The following CYP4Z1 variants were observed in gnomAD, a reference collection of about 807,000 sequenced individuals.
The protein encoded by CYP4Z1 is cytochrome P450 family 4 subfamily Z member 1, also known as cytochrome P450 4Z1.
A neutral mutation model predicts 54.2 loss-of-function variants in CYP4Z1; 41 were observed. The observed-to-expected ratio is 0.76, with a 90% CI of 0.59 to 0.98. The LOEUF (loss-of-function observed/expected upper bound fraction) is 0.98. CYP4Z1 is among the 50% of genes least tolerant of loss of function. The probability of loss-of-function intolerance (pLI) is 0.00; values close to 1 mark genes in which losing one functional copy is unlikely to be tolerated. For missense variants in CYP4Z1, 513 were observed against 599.0 expected, an observed-to-expected ratio of 0.86 and a Z score of 1.50; for synonymous variants, 163 against 206.2, an observed-to-expected ratio of 0.79 and a Z score of 1.79.
At chr1:47,102,178 G>T (rs1158819851) in intron 8 of CYP4Z1, among the ~76,000 whole-genome samples, 1 of 152,102 alleles carries the variant, frequency 6.6e-6, no homozygotes, top group Non-Finnish European at 1.5e-5. Flanking sequence ...ACAGCATATA[G>T]TTGGGTCATG....
intron 7 of CYP4Z1, among the ~76,000 whole-genome samples, chr1:47,098,326 T>A (rs2148536228): frequency 6.6e-6 from 1 of 152,302 alleles, no homozygotes; most frequent in South Asian, 2.1e-4. Flanking sequence ...CTCGAAAAGG[T>A]CCTTCACTTC....
At chr1:47,107,703 A>G (rs919883689) in intron 9 of CYP4Z1, among the ~76,000 whole-genome samples, 4 of 152,162 alleles carry the variant, frequency 2.6e-5, no homozygotes, top group African/African-American at 9.6e-5. Context: ...TATTTTCTCT[A>G]CTTCCATTCT....
chr1:47,114,864 C>T (rs2148543446), intron 9 of CYP4Z1, among the ~76,000 whole-genome samples: 1 of 152,308 alleles, frequency 6.6e-6, no homozygotes, highest in Middle Eastern at 3.4e-3. Context: ...TAAACTAGTT[C>T]AACCATTGTG....
chr1:47,103,401 C>A (rs962358767), intron 8 of CYP4Z1, among the ~76,000 whole-genome samples: 3 of 151,454 alleles, frequency 2.0e-5, no homozygotes, highest in Non-Finnish European at 2.9e-5. Context: ...TGGTCTTGAA[C>A]TCCTGGCCTC....
Position 47,117,788 on chromosome 1 carries a change from G to A in CYP4Z1, c.1372G>A (p.Ala458Thr). 6.2e-7 allele frequency: 1 copy of A among 1,613,154 alleles called. No homozygotes were observed. Among genetic ancestry groups the A allele is most frequent in the Non-Finnish European group, 8.5e-7 (1 of 1,179,532 alleles). The part of the protein sequence containing the change: ...GLRNCIGQHF[A>T]IIECKVAVAL... Reference sequence around the variant, plus strand: ...CAGGAACTGCATTGGGCAGCATTTTGCCATAATTGAGTGTAAAGTGGCAGT... The same window carrying A: ...CAGGAACTGCATTGGGCAGCATTTTACCATAATTGAGTGTAAAGTGGCAGT... The change falls in exon 12 of 12, where the codon GCC (alanine) becomes ACC (threonine). Residue 458 changes from alanine to threonine, a missense_variant. By Grantham distance (58) the Ala-to-Thr change is moderately conservative. Transcript: ENST00000334194.
chr1:47,093,746 C>T (rs1337061117), intron 6 of CYP4Z1, among the ~76,000 whole-genome samples: 4 of 152,168 alleles, frequency 2.6e-5, no homozygotes, highest in African/African-American at 9.7e-5. Flanking sequence ...CTGCTAAAGG[C>T]AGAACTTTCC....
Position 47,106,122 on chromosome 1 carries a change from A to T in CYP4Z1, c.1068-6A>T. On this transcript the variant is annotated splice_polypyrimidine_tract_variant and splice_region_variant and intron_variant, in intron 8 of 11. Transcript: ENST00000334194. ...CCTTTTCCTTTCCTCCTGTGCTTCT[A>T]CCCAGGGAACACCTGAGCCAGATGC... is the stretch of plus-strand genomic sequence containing the variant. The T allele has an allele frequency of 6.2e-7, 1 of 1,612,146 alleles. No individual in the cohort carries two copies. The highest frequency in any genetic ancestry group is 8.5e-7 in the Non-Finnish European group (1 of 1,179,404).
At chr1:47,111,165 C>G (rs1644789493) in intron 9 of CYP4Z1, among the ~76,000 whole-genome samples, 1 of 151,456 alleles carries the variant, frequency 6.6e-6, no homozygotes, top group Admixed American at 6.6e-5. Flanking sequence ...TTGATACCTA[C>G]CTATGTATCA....
intron 2 of CYP4Z1, among the ~76,000 whole-genome samples, chr1:47,076,200 G>A (rs1237706750): frequency 6.8e-6 from 1 of 148,086 alleles, no homozygotes; most frequent in African/African-American, 2.5e-5. Context: ...TCTAATTAAA[G>A]TTTTGTCAAT....
At position 47,087,268 on chromosome 1, in the gene CYP4Z1, G is replaced by C. The variant is rs371116342; in HGVS notation, c.772+2290G>C. 5.1e-3 allele frequency among the ~76,000 whole-genome samples: 772 copies of C among 151,946 alleles called. 12 individuals are homozygous for C. Among genetic ancestry groups the C allele is most frequent in the East Asian group, 0.047 (241 of 5,160 alleles). On this transcript the variant is annotated intron_variant, in intron 6 of 11. Transcript: ENST00000334194. Reference sequence around the variant, plus strand: ...TAGCTTGATGGGGATGGCATTGAATGTATAAATTACCTTGGGCAGTATGGC... The same window carrying C: ...TAGCTTGATGGGGATGGCATTGAATCTATAAATTACCTTGGGCAGTATGGC...
At chr1:47,087,951 AT>A (rs1228756345) in intron 6 of CYP4Z1, among the ~76,000 whole-genome samples, 1 of 152,146 alleles carries the variant, frequency 6.6e-6, no homozygotes, top group Non-Finnish European at 1.5e-5. Context: ...TATTGGGAAA[AT>A]CATGTGGTTT....
At chr1:47,117,624 G>T in intron 11 of CYP4Z1, 142 bp from the exon 12 acceptor site, 1 of 835,370 alleles carries the variant, frequency 1.2e-6, no homozygotes, top group Non-Finnish European at 1.8e-6. Context: ...ATCATGGTGA[G>T]CACCTGTAAT....
At chr1:47,094,472 A>C (rs1266387977) in intron 6 of CYP4Z1, 94 bp from the exon 7 acceptor site, 8 of 834,018 alleles carry the variant, frequency 9.6e-6, no homozygotes, top group Admixed American at 8.9e-5. Context: ...GCCAGGGGCT[A>C]CCGATAAAGC....
upstream of CYP4Z1, among the ~76,000 whole-genome samples, chr1:47,066,318 A>G (rs1397550762): frequency 6.6e-6 from 1 of 152,248 alleles, no homozygotes; most frequent in African/African-American, 2.4e-5. Flanking sequence ...ACAGCATATC[A>G]AAAAGATAAT....
At chr1:47,087,622 C>T (rs1294702742) in intron 6 of CYP4Z1, among the ~76,000 whole-genome samples, 1 of 152,134 alleles carries the variant, frequency 6.6e-6, no homozygotes, top group Non-Finnish European at 1.5e-5. Context: ...TCTAAATATA[C>T]AATAACGTCA....
At chr1:47,103,601 T>C (rs1239217585) in intron 8 of CYP4Z1, among the ~76,000 whole-genome samples, 7 of 148,402 alleles carry the variant, frequency 4.7e-5, no homozygotes, top group Non-Finnish European at 1.0e-4. Flanking sequence ...TTTTCTTTTT[T>C]TTTTTTTTTT....
intron 6 of CYP4Z1, among the ~76,000 whole-genome samples, 168 bp from the exon 7 acceptor site, chr1:47,094,397 AT>A (rs1156331851): frequency 6.6e-6 from 1 of 152,246 alleles, no homozygotes; most frequent in African/African-American, 2.4e-5. Context: ...GGATGGGACG[AT>A]TTTTTTAAAA....
intron 4 of CYP4Z1, among the ~76,000 whole-genome samples, chr1:47,083,068 C>A (rs1211516851): frequency 6.6e-6 from 1 of 152,096 alleles, no homozygotes; most frequent in Non-Finnish European, 1.5e-5. Context: ...TTGAGCACAC[C>A]TAAGGTCCGT....
chr1:47,057,368 ATATATATATG>A, the CYP4Z1 span, among the ~76,000 whole-genome samples: 15 of 108,952 alleles, frequency 1.4e-4, no homozygotes, highest in African/African-American at 4.0e-4. Context: ...ATATATATAT[ATATATATATG>A]TATATTCTGC....
Sources: gnomAD v4.1 joint callset for allele counts (sites outside exome capture counted in the v4.1 genomes callset) on GRCh38, gnomAD v4.1.1 for gene constraint, MANE v1.5 for transcripts, NCBI Gene and HGNC (gene_info 2026-07-23, HGNC 2026-07-21) for gene names.